The following RIPOR3 variants were observed in gnomAD, a reference collection of about 807,000 sequenced individuals.
RIPOR3 encodes RIPOR family member 3.
RIPOR3 carries 95 observed loss-of-function variants against 114.3 expected under a neutral mutation model. The observed-to-expected ratio is 0.83, with a 90% CI of 0.70 to 0.99. RIPOR3 has a LOEUF of 0.99. Among genes scored for constraint, RIPOR3 ranks in the 50% least tolerant of loss-of-function variants. The probability of loss-of-function intolerance (pLI) is 0.00; values close to 1 mark genes in which losing one functional copy is unlikely to be tolerated. For missense variants in RIPOR3, 1,252 were observed against 1,266.9 expected (o/e 0.99, Z 0.18); for synonymous variants, 575 against 543.8 (o/e 1.06, Z -0.80).
chr20:50,657,052 T>C (rs1012738803), intron 1 of RIPOR3, among the ~76,000 whole-genome samples: 22 of 152,230 alleles, frequency 1.4e-4, no homozygotes, highest in Non-Finnish European at 2.9e-4. Flanking sequence ...TACTTAGCAC[T>C]GCAAGTTGCT....
chr20:50,643,309 T>C (rs1385619286), intron 1 of RIPOR3, among the ~76,000 whole-genome samples: 1 of 151,182 alleles, frequency 6.6e-6, no homozygotes. Context: ...TGTTTTTTTT[T>C]TTTTTTTAGT....
Position 50,634,602 on chromosome 20 carries a change from G to A in RIPOR3, c.4-3746C>T, listed in dbSNP as rs543300686. 1.7e-3 allele frequency among the ~76,000 whole-genome samples: 254 copies of A among 152,318 alleles called. 2 individuals are homozygous for A. The highest frequency in any genetic ancestry group is 5.9e-3 in the African/African-American group (246 of 41,562). ...TGAACCAGAAAACAATGAAGGAAAG[G>A]TTGACGCTGCTTCCCCTACTTCACC... On this transcript the variant is annotated intron_variant, in intron 1 of 21. Coordinates refer to ENST00000327979, the MANE Select transcript of RIPOR3 (RefSeq NM_001290268.2).
Position 50,595,080 on chromosome 20 carries a change from A to T in RIPOR3, c.2050+289T>A, listed in dbSNP as rs115859113. The T allele has an allele frequency of 3.1e-3, 1,523 of 498,348 alleles. 16 individuals carry two copies. The highest frequency in any genetic ancestry group is 0.025 in the African/African-American group (1,289 of 52,518). The allele number at this position is 498,348 out of a possible 1,614,324, so 30.9% of individuals were successfully genotyped here. On this transcript the variant is annotated intron_variant, in intron 16 of 21. Transcript: ENST00000327979. ...AATGTGGCCTGGGGTTACCTCACTGAACCCCGTGCAGTGCCCTCCTCCTAT... is the reference window on the plus strand; with the variant it reads ...AATGTGGCCTGGGGTTACCTCACTGTACCCCGTGCAGTGCCCTCCTCCTAT...
At chr20:50,590,305 C>T (rs1401151755) in intron 19 of RIPOR3, among the ~76,000 whole-genome samples, 1 of 152,224 alleles carries the variant, frequency 6.6e-6, no homozygotes, top group Non-Finnish European at 1.5e-5. Context: ...AAAGCTGGCA[C>T]TTGCTTCATG....
chr20:50,665,908 C>G (rs1422274108), intron 1 of RIPOR3, among the ~76,000 whole-genome samples: 4 of 152,058 alleles, frequency 2.6e-5, no homozygotes, highest in African/African-American at 9.7e-5. Context: ...CTCACTGTAT[C>G]CAGCTATACC....
At chr20:50,606,792 C>T (rs2083736716) in intron 11 of RIPOR3, among the ~76,000 whole-genome samples, 1 of 151,774 alleles carries the variant, frequency 6.6e-6, no homozygotes, top group African/African-American at 2.4e-5. Context: ...TGCGGTGGCG[C>T]CATCTTGGCT....
intron 1 of RIPOR3, among the ~76,000 whole-genome samples, chr20:50,672,717 T>G (rs542754747): frequency 1.6e-4 from 25 of 152,294 alleles, no homozygotes; most frequent in African/African-American, 5.3e-4. Context: ...AGAATGGACT[T>G]TCCACCTGCA....
intron 1 of RIPOR3, among the ~76,000 whole-genome samples, chr20:50,668,949 T>C (rs573489213): frequency 6.6e-6 from 1 of 151,972 alleles, no homozygotes; most frequent in African/African-American, 2.4e-5. Flanking sequence ...TGCATTCACA[T>C]GCACACATGC....
In RIPOR3 at chr20:50,691,302, G is replaced by C. The variant is rs1014281131; in HGVS notation, c.-174C>G. On this transcript the variant is annotated 5_prime_UTR_variant, in exon 1 of 22. Transcript: ENST00000327979. ...ACCAGCCGCTGGTCCCGCTCTCTGG[G>C]AAGATCGCCTTGAGGACCTGCTGCG... The C allele has an allele frequency of 2.5e-6, 2 of 807,374 alleles. No individual in the cohort carries two copies. The highest frequency in any genetic ancestry group is 5.4e-5 in the Admixed American group (2 of 37,158). 50.0% of individuals were successfully genotyped at this position (807,374 alleles called of 1,614,324 possible).
At chr20:50,646,934 G>A (rs1217899900) in intron 1 of RIPOR3, among the ~76,000 whole-genome samples, 1 of 152,166 alleles carries the variant, frequency 6.6e-6, no homozygotes, top group African/African-American at 2.4e-5. Context: ...GGGAAAGAAG[G>A]CTTGCTTCAT....
chr20:50,663,443 C>A (rs1006783456), intron 1 of RIPOR3, among the ~76,000 whole-genome samples: 1 of 152,210 alleles, frequency 6.6e-6, no homozygotes, highest in African/African-American at 2.4e-5. Context: ...CCTCTCCAAG[C>A]GCCCCAGTGC....
chr20:50,659,607 A>G (rs907210731), intron 1 of RIPOR3, among the ~76,000 whole-genome samples: 5 of 144,506 alleles, frequency 3.5e-5, no homozygotes, highest in Non-Finnish European at 7.5e-5. Context: ...AGATCACACC[A>G]TTGCACTCCA....
chr20:50,687,542 A>T (rs2087070232), intron 1 of RIPOR3, among the ~76,000 whole-genome samples: 1 of 152,216 alleles, frequency 6.6e-6, no homozygotes, highest in Admixed American at 6.5e-5. Context: ...GTGGTGCACA[A>T]GTGTGCATGG....
At chr20:50,616,851 C>G (rs750460113) in intron 3 of RIPOR3, among the ~76,000 whole-genome samples, 2 of 152,154 alleles carry the variant, frequency 1.3e-5, no homozygotes, top group Non-Finnish European at 1.5e-5. Context: ...CCCTCAAGGT[C>G]AAGGGTCTAG....
chr20:50,651,114 A>C (rs2085587750), intron 1 of RIPOR3, among the ~76,000 whole-genome samples: 1 of 152,004 alleles, frequency 6.6e-6, no homozygotes, highest in Non-Finnish European at 1.5e-5. Flanking sequence ...CTTACTGGCC[A>C]AGGAGATTCA....
intron 14 of RIPOR3, among the ~76,000 whole-genome samples, chr20:50,596,670 CTG>C (rs1209148883): frequency 2.0e-5 from 3 of 152,224 alleles, no homozygotes; most frequent in African/African-American, 4.8e-5. Context: ...CAAGTCCACT[CTG>C]TGGTAGAGGC....
Position 50,615,890 on chromosome 20 carries a change from T to C in RIPOR3, c.348+112A>G, listed in dbSNP as rs924750048. On this transcript the variant is annotated intron_variant, in intron 4 of 21. Coordinates refer to ENST00000327979, the MANE Select transcript of RIPOR3 (RefSeq NM_001290268.2). The stretch of plus-strand genomic sequence containing the variant: ...ACGTGAAGAGGCTATTCCATAAACC[T>C]CTAGTTCTGAGAAAGAGTCACACCG... The C allele has an allele frequency of 1.8e-4, 186 of 1,027,966 alleles. No individual in the cohort carries two copies. The Admixed American group carries it at 2.4e-3, about 13-fold the overall frequency. The allele number at this position is 1,027,966 out of a possible 1,614,324, so 63.7% of individuals were successfully genotyped here.
intron 1 of RIPOR3, among the ~76,000 whole-genome samples, chr20:50,657,490 G>A (rs1000267970): frequency 6.6e-6 from 1 of 152,010 alleles, no homozygotes; most frequent in East Asian, 1.9e-4. Flanking sequence ...TCACACCACT[G>A]CACTTTAGTC....
chr20:50,657,388 C>G (rs778475079), intron 1 of RIPOR3, among the ~76,000 whole-genome samples: 7 of 152,158 alleles, frequency 4.6e-5, no homozygotes, highest in African/African-American at 1.4e-4. Context: ...TTAGCCAGGC[C>G]TGGTGGCATG....
Sources: gnomAD v4.1 joint callset for allele counts (sites outside exome capture counted in the v4.1 genomes callset) on GRCh38, gnomAD v4.1.1 for gene constraint, MANE v1.5 for transcripts, NCBI Gene and HGNC (gene_info 2026-07-23, HGNC 2026-07-21) for gene names.